Variants in MEGF11 observed in about 807,000 individuals in gnomAD.
The protein encoded by MEGF11 is multiple epidermal growth factor-like domains protein 11.
In MEGF11, 126 loss-of-function variants were observed where a neutral mutation model predicts 146.6. The observed-to-expected ratio is 0.86, with a 90% confidence interval of 0.74 to 1.00. The LOEUF is 1.00. Ranked by LOEUF, MEGF11 falls within the 50% of genes least tolerant of loss-of-function variation. The probability of loss-of-function intolerance (pLI) is 0.00; values close to 1 mark genes in which losing one functional copy is unlikely to be tolerated. For missense variants in MEGF11, 1,509 were observed against 1,521.2 expected (o/e 0.99, Z 0.13); for synonymous variants, 532 against 583.4 (o/e 0.91, Z 1.27).
chr15:66,179,664 G>T (rs1332946249), intron 1 of MEGF11, among the ~76,000 whole-genome samples: 1 of 152,076 alleles, frequency 6.6e-6, no homozygotes, highest in Non-Finnish European at 1.5e-5. Flanking sequence ...TTCCCCAAAT[G>T]CAAAATAAGG....
chr15:65,959,392 A>G (rs2080777471), intron 9 of MEGF11, among the ~76,000 whole-genome samples: 1 of 152,254 alleles, frequency 6.6e-6, no homozygotes, highest in Non-Finnish European at 1.5e-5. Context: ...ACTTGCAAGT[A>G]GCTAGTAATC....
chr15:66,086,299 A>C (rs1007963134), intron 5 of MEGF11, among the ~76,000 whole-genome samples: 5 of 152,208 alleles, frequency 3.3e-5, no homozygotes, highest in Admixed American at 3.3e-4. Flanking sequence ...CAAGTACAAG[A>C]AGCACAAAGA....
chr15:65,955,793 TACAC>T (rs67353441), intron 10 of MEGF11, among the ~76,000 whole-genome samples: 162 of 6,778 alleles, frequency 0.024, 8 homozygotes, highest in Non-Finnish European at 0.052. Context: ...TATATATATA[TACAC>T]ACACACACAC....
intron 5 of MEGF11, among the ~76,000 whole-genome samples, chr15:66,039,588 G>T (rs145050803): frequency 6.6e-6 from 1 of 152,166 alleles, no homozygotes; most frequent in African/African-American, 2.4e-5. Flanking sequence ...CTCAGGTTAC[G>T]TTAAGTGGCT....
chr15:66,229,844 G>A (rs1162262234), intron 1 of MEGF11, among the ~76,000 whole-genome samples: 1 of 152,150 alleles, frequency 6.6e-6, no homozygotes, highest in African/African-American at 2.4e-5. Context: ...TAAAATGAGG[G>A]GACCCCATTG....
chr15:65,972,894 G>A (rs1324588680), intron 7 of MEGF11, among the ~76,000 whole-genome samples: 3 of 152,216 alleles, frequency 2.0e-5, no homozygotes, highest in African/African-American at 7.2e-5. Context: ...GGAGGCTGAG[G>A]TGGGTGGATC....
chr15:66,062,124 A>G (rs1285571005), intron 5 of MEGF11, among the ~76,000 whole-genome samples: 1 of 152,164 alleles, frequency 6.6e-6, no homozygotes, highest in Non-Finnish European at 1.5e-5. Flanking sequence ...CTGATATATG[A>G]GCAATCAAAT....
At chr15:66,169,642 T>C (rs538748267) in intron 1 of MEGF11, among the ~76,000 whole-genome samples, 16 of 152,392 alleles carry the variant, frequency 1.0e-4, no homozygotes, top group African/African-American at 3.8e-4. Flanking sequence ...CTTTCAAAGA[T>C]GCCACGTCCT....
chr15:66,112,604 A>G (rs144349854), intron 4 of MEGF11, among the ~76,000 whole-genome samples: 19 of 152,358 alleles, frequency 1.2e-4, no homozygotes, highest in African/African-American at 4.1e-4. Flanking sequence ...GATGAAGGAC[A>G]TGAATCCTTA....
At chr15:66,190,917 A>G (rs2090852095) in intron 1 of MEGF11, among the ~76,000 whole-genome samples, 1 of 152,178 alleles carries the variant, frequency 6.6e-6, no homozygotes, top group African/African-American at 2.4e-5. Context: ...AAATTAGCTT[A>G]TTTATCGTCC....
At chr15:66,036,118 G>A (rs2083716545) in intron 5 of MEGF11, among the ~76,000 whole-genome samples, 1 of 152,230 alleles carries the variant, frequency 6.6e-6, no homozygotes, top group Non-Finnish European at 1.5e-5. Flanking sequence ...GCATCCCTGG[G>A]GACAACCTTC....
At chr15:65,931,442 T>C (rs1456672038) in intron 10 of MEGF11, among the ~76,000 whole-genome samples, 2 of 152,216 alleles carry the variant, frequency 1.3e-5, no homozygotes, top group African/African-American at 4.8e-5. Flanking sequence ...GGAAGGAACA[T>C]GGCCTGCTGG....
At chr15:66,071,528 G>T (rs192195458) in intron 5 of MEGF11, among the ~76,000 whole-genome samples, 1 of 152,204 alleles carries the variant, frequency 6.6e-6, no homozygotes, top group Non-Finnish European at 1.5e-5. Context: ...AAAGAGAATC[G>T]CTCATTTCAA....
chr15:66,179,914 C>A (rs1322623785), intron 1 of MEGF11, among the ~76,000 whole-genome samples: 1 of 146,978 alleles, frequency 6.8e-6, no homozygotes, highest in African/African-American at 2.5e-5. Context: ...CTCTCCTGGT[C>A]CTGGCCTGTC....
At chr15:66,195,853 C>A (rs1343090793) in intron 1 of MEGF11, among the ~76,000 whole-genome samples, 1 of 152,162 alleles carries the variant, frequency 6.6e-6, no homozygotes, top group Admixed American at 6.5e-5. Flanking sequence ...TGCATCTGTG[C>A]AAAGCTAGTC....
At chr15:66,092,451 T>A (rs2086358741) in intron 5 of MEGF11, among the ~76,000 whole-genome samples, 1 of 152,156 alleles carries the variant, frequency 6.6e-6, no homozygotes, top group African/African-American at 2.4e-5. Context: ...AGCAAAGAGC[T>A]TTTGGGTTGC....
chr15:66,221,170 AG>A (rs2091727766), intron 1 of MEGF11, among the ~76,000 whole-genome samples: 1 of 152,088 alleles, frequency 6.6e-6, no homozygotes, highest in Admixed American at 6.5e-5. Flanking sequence ...GTCCCACGGC[AG>A]GGTAACAGCC....
intron 5 of MEGF11, among the ~76,000 whole-genome samples, chr15:66,063,025 A>T (rs1268331016): frequency 6.6e-6 from 1 of 152,270 alleles, no homozygotes; most frequent in Non-Finnish European, 1.5e-5. Context: ...TACGATCTAC[A>T]AAAACATCTA....
intron 5 of MEGF11, among the ~76,000 whole-genome samples, chr15:65,996,581 G>T (rs971930294): frequency 6.6e-6 from 1 of 151,790 alleles, no homozygotes; most frequent in Non-Finnish European, 1.5e-5. Flanking sequence ...TGCCTCCCGG[G>T]TTCAAGTGAT....
Sources: gnomAD v4.1 joint callset for allele counts (sites outside exome capture counted in the v4.1 genomes callset) on GRCh38, gnomAD v4.1.1 for gene constraint, MANE v1.5 for transcripts, NCBI Gene and HGNC (gene_info 2026-07-23, HGNC 2026-07-21) for gene names.